COBLL1: variants seen among roughly 807,000 people sequenced by gnomAD.
COBLL1 encodes the protein cordon-bleu protein-like 1.
COBLL1 carries 50 observed loss-of-function variants against 94.8 expected under a neutral mutation model. The ratio of observed to expected loss-of-function variants is 0.53; its 90% CI spans 0.42 to 0.67. COBLL1 has a LOEUF of 0.67. Among genes scored for constraint, COBLL1 ranks in the 30% least tolerant of loss-of-function variants. The probability of loss-of-function intolerance (pLI) is 0.00; values close to 1 mark genes in which losing one functional copy is unlikely to be tolerated. For missense variants in COBLL1, 1,362 were observed against 1,348.7 expected (o/e 1.01, Z -0.15); for synonymous variants, 448 against 473.8 (o/e 0.95, Z 0.71).
chr2:164,812,493 A>G (rs1684506652), intron 2 of COBLL1, among the ~76,000 whole-genome samples: 1 of 152,054 alleles, frequency 6.6e-6, no homozygotes, highest in African/African-American at 2.4e-5. Flanking sequence ...TAAAAAGGTG[A>G]GCAAATAGCC....
intron 2 of COBLL1, among the ~76,000 whole-genome samples, chr2:164,805,347 A>T (rs1431681757): frequency 9.2e-6 from 1 of 109,222 alleles, no homozygotes; most frequent in African/African-American, 3.6e-5. Context: ...CTATATATAT[A>T]TATATATATA....
At chr2:164,817,923 C>A (rs1684858121) in intron 2 of COBLL1, among the ~76,000 whole-genome samples, 1 of 152,116 alleles carries the variant, frequency 6.6e-6, no homozygotes, top group Non-Finnish European at 1.5e-5. Context: ...AGCCCAGTTT[C>A]TGGCATAATT....
intron 2 of COBLL1, among the ~76,000 whole-genome samples, chr2:164,788,977 C>T (rs900648563): frequency 2.7e-5 from 4 of 150,360 alleles, no homozygotes; most frequent in African/African-American, 7.3e-5. Flanking sequence ...TATGGTCATT[C>T]CAGTTAGTAA....
chr2:164,826,897 T>C (rs1294091821), intron 2 of COBLL1, among the ~76,000 whole-genome samples: 2 of 15,780 alleles, frequency 1.3e-4, no homozygotes, highest in African/African-American at 6.0e-3. Flanking sequence ...CTTTGTTTCG[T>C]TTTTTTTTTT....
At chr2:164,730,183 T>A in intron 3 of COBLL1, 68 bp from the exon 4 acceptor site, 1 of 1,318,032 alleles carries the variant, frequency 7.6e-7, no homozygotes, top group East Asian at 2.4e-5. Flanking sequence ...TTGTCTTCAA[T>A]AGATAAACAA....
At chr2:164,739,797 C>T (rs1026232979) in intron 3 of COBLL1, among the ~76,000 whole-genome samples, 1 of 152,076 alleles carries the variant, frequency 6.6e-6, no homozygotes, top group Non-Finnish European at 1.5e-5. Context: ...ATGAGTCTTC[C>T]CATTAGGTAG....
chr2:164,703,710 A>G (rs1267721955), intron 9 of COBLL1: 2 of 341,272 alleles, frequency 5.9e-6, no homozygotes, highest in Non-Finnish European at 1.2e-5. Context: ...CAGGCGAGTC[A>G]TATTAAGCAT....
chr2:164,677,590 C>G (rs1158442843), downstream of COBLL1, among the ~76,000 whole-genome samples: 3 of 152,170 alleles, frequency 2.0e-5, no homozygotes, highest in African/African-American at 7.2e-5. Context: ...CTCAACAGAG[C>G]TCTAGCTTTC....
At chr2:164,667,946 C>CT (rs1170450391) in intron 1 of COBLL1, among the ~76,000 whole-genome samples, 6,850 of 132,798 alleles carry the variant, frequency 0.052, 495 homozygotes, top group African/African-American at 0.16. Context: ...TCTCGGCTTT[C>CT]TTTTTTTTTT....
At chr2:164,807,789 T>C (rs1051378698) in intron 2 of COBLL1, among the ~76,000 whole-genome samples, 1 of 152,080 alleles carries the variant, frequency 6.6e-6, no homozygotes. Context: ...GTTGAGTTTA[T>C]TTTTGTTTGA....
chr2:164,760,753 C>T (rs1227217923), intron 2 of COBLL1, among the ~76,000 whole-genome samples: 2 of 152,022 alleles, frequency 1.3e-5, no homozygotes, highest in Admixed American at 6.5e-5. Flanking sequence ...ATAAAAGTTA[C>T]AATAAAAATA....
At chr2:164,806,811 C>T (rs1684180084) in intron 2 of COBLL1, among the ~76,000 whole-genome samples, 1 of 152,096 alleles carries the variant, frequency 6.6e-6, no homozygotes, top group Admixed American at 6.5e-5. Flanking sequence ...GCCATCCTCC[C>T]ACCCCAGCCT....
intron 9 of COBLL1, among the ~76,000 whole-genome samples, chr2:164,702,362 G>C (rs1180900796): frequency 3.3e-5 from 5 of 151,244 alleles, no homozygotes; most frequent in Non-Finnish European, 7.4e-5. Context: ...AGGAGATCGA[G>C]ACCATCCTGG....
chr2:164,725,121 T>TAC (rs1685655702), intron 5 of COBLL1: 15 of 114,034 alleles, frequency 1.3e-4, no homozygotes, highest in South Asian at 8.0e-4. Flanking sequence ...TATATATATA[T>TAC]ATATATATAT....
At chr2:164,800,562 G>A (rs1380163602) in intron 2 of COBLL1, 4 of 701,400 alleles carry the variant, frequency 5.7e-6, no homozygotes, top group African/African-American at 5.3e-5. Context: ...CTCCTAGGCA[G>A]CATAAAAAAG....
chr2:164,692,392 A>G lies in COBLL1; in HGVS notation c.3129T>C (p.Asn1043=). Residue 1043 remains asparagine (N), a synonymous_variant, in exon 13 of 14, where the codon AAT becomes AAC. Coordinates refer to ENST00000652658, the MANE Select transcript of COBLL1 (RefSeq NM_001365672.2). ...IPQLGVSDKE[N]NSAHNEQNSQ... is the part of the protein sequence containing the mutation. Reference sequence around the variant, plus strand: ...AATTCTGTTCATTATGTGCAGAGTTATTTTCCTACAAAAATAAATGTGAAA... The same window carrying G: ...AATTCTGTTCATTATGTGCAGAGTTGTTTTCCTACAAAAATAAATGTGAAA... 1 of 1,589,788 alleles carries G rather than the reference A, an allele frequency of 6.3e-7. No homozygotes were observed. Among genetic ancestry groups the G allele is most frequent in the South Asian group, 1.2e-5 (1 of 86,498 alleles).
chr2:164,808,233 T>G (rs1246902663), intron 2 of COBLL1, among the ~76,000 whole-genome samples: 1 of 152,226 alleles, frequency 6.6e-6, no homozygotes, highest in East Asian at 1.9e-4. Flanking sequence ...TTTTACAACC[T>G]TCCTTAATAA....
At chr2:164,741,717 G>A (rs772380827) in intron 3 of COBLL1, among the ~76,000 whole-genome samples, 15 of 152,242 alleles carry the variant, frequency 9.9e-5, no homozygotes, top group Middle Eastern at 3.4e-3. Flanking sequence ...TTAGGGACCT[G>A]AGGGGGCAAA....
At chr2:164,687,683 C>T (rs1683373580) in intron 13 of COBLL1, 3 of 746,916 alleles carry the variant, frequency 4.0e-6, no homozygotes, top group Non-Finnish European at 7.2e-6. Context: ...ATAGAGGAAA[C>T]AGGCTGCATA....
Sources: allele counts gnomAD v4.1 joint callset (sites outside exome capture counted in the v4.1 genomes callset), GRCh38; gene constraint gnomAD v4.1.1; transcripts MANE v1.5; gene names NCBI Gene and HGNC (gene_info 2026-07-23, HGNC 2026-07-21).